The following ANO10 variants were observed in gnomAD, a reference collection of about 807,000 sequenced individuals.
ANO10 encodes anoctamin 10, also known as anoctamin-10.
A neutral mutation model predicts 74.7 loss-of-function variants in ANO10; 77 were observed. The observed-to-expected ratio is 1.03, with a 90% CI of 0.86 to 1.25. The LOEUF (loss-of-function observed/expected upper bound fraction) is 1.25, where lower values mean the gene tolerates loss of function less well. Ranked by LOEUF, ANO10 falls within the 50% of genes most tolerant of loss-of-function variation. The pLI is 0.00. For missense variants in ANO10, 721 were observed against 778.1 expected, an observed-to-expected ratio of 0.93 and a Z score of 0.87; for synonymous variants, 279 against 284.9, an observed-to-expected ratio of 0.98 and a Z score of 0.21.
intron 7 of ANO10, among the ~76,000 whole-genome samples, chr3:43,573,691 G>C (rs2080853393): frequency 6.6e-6 from 1 of 152,092 alleles, no homozygotes; most frequent in African/African-American, 2.4e-5. Context: ...GGTAGAAAGA[G>C]GCACGACATG....
intron 4 of ANO10, among the ~76,000 whole-genome samples, chr3:43,596,979 A>C (rs543417464): frequency 8.1e-4 from 124 of 152,366 alleles, no homozygotes; most frequent in African/African-American, 2.8e-3. Flanking sequence ...TTCTCAAAAG[A>C]AGACATTTAT....
At position 43,505,163 on chromosome 3, in the gene ANO10, G is replaced by A. The variant is rs527962179; in HGVS notation, c.1797+44557C>T. The stretch of plus-strand genomic sequence containing the variant: ...GTTAGCATAAATAAAATGCCATCGA[G>A]TTTTTAAATACTATCTAAGTTCTAT... On this transcript the variant is annotated intron_variant, in intron 11 of 12. Coordinates refer to ENST00000292246, the MANE Select transcript of ANO10 (RefSeq NM_018075.5). Among the ~76,000 whole-genome samples, 5 of 152,242 alleles carry A rather than the reference G, an allele frequency of 3.3e-5. 1 individual carries two copies. In the South Asian group the frequency reaches 1.0e-3, roughly 32 times the overall value.
At chr3:43,549,657 C>T (rs1174405118) in intron 11 of ANO10, 63 bp downstream of exon 11, 1 of 1,593,362 alleles carries the variant, frequency 6.3e-7, no homozygotes, top group Admixed American at 1.7e-5. Context: ...CGAGACAGCA[C>T]TGCTTTGGAA....
intron 11 of ANO10, among the ~76,000 whole-genome samples, chr3:43,534,219 A>G (rs184476076): frequency 3.3e-5 from 5 of 152,380 alleles, no homozygotes; most frequent in Non-Finnish European, 5.9e-5. Flanking sequence ...ACATGCTGTC[A>G]GCTAATAACA....
At chr3:43,399,455 C>G (rs745727482) in intron 12 of ANO10, among the ~76,000 whole-genome samples, 12 of 152,068 alleles carry the variant, frequency 7.9e-5, no homozygotes, top group Non-Finnish European at 1.6e-4. Context: ...ATTATGGTGT[C>G]TGTCTGTCTC....
At chr3:43,488,505 C>T (rs1406040699) in intron 11 of ANO10, among the ~76,000 whole-genome samples, 3 of 151,934 alleles carry the variant, frequency 2.0e-5, no homozygotes, top group Admixed American at 6.6e-5. Context: ...AAAAAGTGGG[C>T]GAAGGACATG....
At chr3:43,617,483 A>G (rs1446896187) in intron 1 of ANO10, among the ~76,000 whole-genome samples, 1 of 152,132 alleles carries the variant, frequency 6.6e-6, no homozygotes, top group Non-Finnish European at 1.5e-5. Context: ...GTCGAATTGC[A>G]CACAGGGTCA....
intron 11 of ANO10, among the ~76,000 whole-genome samples, chr3:43,453,236 T>C (rs919055710): frequency 5.4e-5 from 8 of 149,202 alleles, no homozygotes; most frequent in Admixed American, 2.7e-4. Context: ...TGGAGTGCAG[T>C]GGCGTGATCT....
intron 11 of ANO10, among the ~76,000 whole-genome samples, chr3:43,494,876 T>G (rs768836690): frequency 6.6e-6 from 1 of 152,132 alleles, no homozygotes; most frequent in Non-Finnish European, 1.5e-5. Flanking sequence ...ACAATTTCAA[T>G]CAGGGCCTAA....
intron 1 of ANO10, among the ~76,000 whole-genome samples, chr3:43,674,972 A>C (rs2084104405): frequency 6.6e-6 from 1 of 152,188 alleles, no homozygotes; most frequent in Non-Finnish European, 1.5e-5. Flanking sequence ...TGGGGCAATA[A>C]ATCCTTCCTT....
intron 12 of ANO10, among the ~76,000 whole-genome samples, chr3:43,427,637 C>T (rs2092918214): frequency 1.3e-5 from 2 of 152,138 alleles, no homozygotes; most frequent in African/African-American, 4.8e-5. Context: ...CTGATCTGGT[C>T]CCACAAACTG....
upstream of ANO10, among the ~76,000 whole-genome samples, chr3:43,625,418 A>G (rs1171170673): frequency 6.6e-6 from 1 of 152,162 alleles, no homozygotes; most frequent in East Asian, 1.9e-4. Flanking sequence ...TGCCATCATG[A>G]TCCACCTGCT....
chr3:43,560,886 G>A (rs925267360), intron 9 of ANO10, among the ~76,000 whole-genome samples: 5 of 152,158 alleles, frequency 3.3e-5, no homozygotes, highest in African/African-American at 7.2e-5. Context: ...TGTCAAGAGC[G>A]AGCAATGCTG....
intron 11 of ANO10, among the ~76,000 whole-genome samples, chr3:43,436,886 G>A (rs2093076211): frequency 6.6e-6 from 1 of 152,192 alleles, no homozygotes; most frequent in South Asian, 2.1e-4. Context: ...GCAAATTAGA[G>A]TTGAATTCTT....
At chr3:43,552,403 T>G (rs537074221) in intron 10 of ANO10, among the ~76,000 whole-genome samples, 2 of 152,132 alleles carry the variant, frequency 1.3e-5, no homozygotes, top group Admixed American at 6.5e-5. Context: ...AAAAAAAATT[T>G]TTTTCTACAT....
chr3:43,655,717 TAG>T (rs947362748), intron 1 of ANO10, among the ~76,000 whole-genome samples: 9 of 152,236 alleles, frequency 5.9e-5, no homozygotes, highest in South Asian at 4.1e-4. Flanking sequence ...AGCAGCTAGA[TAG>T]AGTGTTGATT....
chr3:43,640,111 C>T (rs1346031348), intron 1 of ANO10, among the ~76,000 whole-genome samples: 2 of 152,156 alleles, frequency 1.3e-5, no homozygotes, highest in East Asian at 3.9e-4. Flanking sequence ...CAAAGCTTTA[C>T]TTGAAGGATT....
intron 11 of ANO10, among the ~76,000 whole-genome samples, chr3:43,543,593 T>A (rs2079051626): frequency 6.6e-6 from 1 of 152,166 alleles, no homozygotes; most frequent in African/African-American, 2.4e-5. Flanking sequence ...TTTCACCGTG[T>A]TAGCCAGGAT....
At chr3:43,465,743 C>T (rs186429685) in intron 11 of ANO10, among the ~76,000 whole-genome samples, 8 of 151,966 alleles carry the variant, frequency 5.3e-5, no homozygotes, top group Admixed American at 4.6e-4. Context: ...CATGACTGTA[C>T]CAGCAATTAA....
Sources: gnomAD v4.1 joint callset for allele counts (sites outside exome capture counted in the v4.1 genomes callset) on GRCh38, gnomAD v4.1.1 for gene constraint, MANE v1.5 for transcripts, NCBI Gene and HGNC (gene_info 2026-07-23, HGNC 2026-07-21) for gene names.